The following DCLRE1B variants were observed in gnomAD, a reference collection of about 807,000 sequenced individuals.
The protein encoded by DCLRE1B is 5' exonuclease Apollo.
Under a neutral mutation model 19.8 loss-of-function variants are expected in DCLRE1B, and 6 were observed. The observed-to-expected ratio is 0.30, with a 90% CI of 0.17 to 0.60. The LOEUF is 0.60. DCLRE1B is among the 20% of genes least tolerant of loss of function. The pLI is 0.87. For synonymous variants in DCLRE1B, 258 were observed against 255.7 expected (o/e 1.01, Z -0.09); for missense variants, 622 against 654.2 (o/e 0.95, Z 0.54).
chr1:113,907,958 CTTCTA>C (rs1558107425), intron 2 of DCLRE1B, 46 bp from the exon 3 acceptor site: 2 of 1,565,448 alleles, frequency 1.3e-6, no homozygotes, highest in Non-Finnish European at 1.7e-6. Context: ...AGAGGCTTGT[CTTCTA>C]TTCTTTTGTC....
In DCLRE1B at chr1:113,911,671, GTGC is replaced by G; in HGVS notation, c.1082_1084del (p.Ala361del). The G allele has an allele frequency of 6.2e-7, 1 of 1,612,526 alleles. No individual in the cohort carries two copies. The highest frequency in any genetic ancestry group is 1.3e-5 in the African/African-American group (1 of 74,914). ...GTTGTGTTTGAATCCCCTGAGGAAA[GTGC>G]TGATCAATCTCAAGCTGACAGAGAC... On this transcript the variant is annotated inframe_deletion, in exon 4 of 4. Transcript: ENST00000650450.
chr1:113,908,257 A>C, intron 3 of DCLRE1B, 66 bp downstream of exon 3: 6 of 1,552,610 alleles, frequency 3.9e-6, no homozygotes, highest in Non-Finnish European at 5.2e-6. Context: ...AAGGATTCTC[A>C]CATCTTTCAG....
rs1433644542 is a variant in DCLRE1B at position 113,911,641 on chromosome 1, A to G, written c.1049A>G (p.Gln350Arg). ...AGGAGGCTAAAGAGGCCGAGAACCC[A>G]AGGTGTTGTGTTTGAATCCCCTGAG... ...LERRLKRPRT[Q>R]GVVFESPEES... The change falls in exon 4 of 4, where the codon CAA becomes CGA. Residue 350 changes from glutamine (Q) to arginine (R), a missense_variant. Gln to Arg is a conservative substitution (Grantham distance 43, BLOSUM62 1). Around this residue, in one of 3 missense-constraint regions of DCLRE1B, gnomAD observed 382 missense variants for 412.5 expected, o/e 0.93. Coordinates refer to ENST00000650450, the MANE Select transcript of DCLRE1B (RefSeq NM_022836.4). 15 of 1,604,840 alleles carry G rather than the reference A, an allele frequency of 9.3e-6. No homozygotes were observed. Among genetic ancestry groups the G allele is most frequent in the Non-Finnish European group, 1.1e-5 (13 of 1,175,426 alleles).
At chr1:113,908,768 A>G (rs577594403) in intron 3 of DCLRE1B, among the ~76,000 whole-genome samples, 32 of 152,138 alleles carry the variant, frequency 2.1e-4, no homozygotes, top group South Asian at 1.0e-3. Flanking sequence ...CTTGTTGTCT[A>G]TCATGCACTT....
chr1:113,907,379 ACTCAATAGAAGT>A (rs1669075183), intron 2 of DCLRE1B, among the ~76,000 whole-genome samples: 1 of 151,674 alleles, frequency 6.6e-6, no homozygotes, highest in East Asian at 1.9e-4. Context: ...AGCAGCCTTA[ACTCAATAGAAGT>A]CTGGAGGCGC....
Position 113,905,564 on chromosome 1 carries a change from C to T in DCLRE1B, c.-23C>T, listed in dbSNP as rs1355652085. The T allele has an allele frequency of 1.9e-6, 3 of 1,611,082 alleles. No individual in the cohort carries two copies. The highest frequency in any genetic ancestry group is 4.5e-5 in the East Asian group (2 of 44,862). On this transcript the variant is annotated 5_prime_UTR_variant, in exon 1 of 4. Transcript: ENST00000650450. ...CCCTGCCCCCGTGGAGAAGATCCCA[C>T]TGGTGACTCCAACCCTACCACCATG... is the stretch of plus-strand genomic sequence containing the variant.
chr1:113,911,651 G>A lies in DCLRE1B; in HGVS notation c.1059G>A (p.Val353=). The change falls in exon 4 of 4, where the codon GTG becomes GTA. Residue 353 remains valine, a synonymous_variant. Transcript: ENST00000650450. ...RLKRPRTQGV[V]FESPEESADQ... ...AGAGGCCGAGAACCCAAGGTGTTGT[G>A]TTTGAATCCCCTGAGGAAAGTGCTG... 1 of 1,607,930 alleles carries A rather than the reference G, an allele frequency of 6.2e-7. No individual in the cohort carries two copies. Among genetic ancestry groups the A allele is most frequent in the Non-Finnish European group, 8.5e-7 (1 of 1,176,786 alleles).
upstream of DCLRE1B, chr1:113,905,236 T>C: frequency 2.8e-6 from 1 of 351,032 alleles, no homozygotes; most frequent in Non-Finnish European, 5.3e-6. Flanking sequence ...CCTCTCACTC[T>C]CCAGGCGCAG....
chr1:113,908,316 A>G, intron 3 of DCLRE1B, 125 bp downstream of exon 3: 1 of 1,301,194 alleles, frequency 7.7e-7, no homozygotes, highest in Non-Finnish European at 1.0e-6. Flanking sequence ...CTTATTTAAA[A>G]TTGCAACCTG....
chr1:113,907,198 C>G (rs765562315), intron 2 of DCLRE1B, 37 bp downstream of exon 2: 51 of 413,610 alleles, frequency 1.2e-4, no homozygotes, highest in Middle Eastern at 5.1e-4. Context: ...CTTCTCCAGA[C>G]TAGATGTTTT....
Position 113,912,136 on chromosome 1 carries a change from G to C in DCLRE1B, c.1544G>C (p.Gly515Ala). 6.2e-7 allele frequency: 1 copy of C among 1,614,060 alleles called. No individual in the cohort carries two copies. Among genetic ancestry groups the C allele is most frequent in the Non-Finnish European group, 8.5e-7 (1 of 1,180,004 alleles). Residue 515 changes from glycine to alanine, a missense_variant, in exon 4 of 4, where the codon GGG (glycine) becomes GCG (alanine). Physicochemically the swap from Gly to Ala is moderately conservative, Grantham distance 60. This residue lies in a region of DCLRE1B where 382 missense variants were observed against 412.5 expected (regional missense o/e 0.93). Coordinates refer to ENST00000650450, the MANE Select transcript of DCLRE1B (RefSeq NM_022836.4). Reference protein sequence around the residue: ...LLTPVNFFQAGYSSRRFDQQV... With the variant: ...LLTPVNFFQAAYSSRRFDQQV... ...ACTCCAGTGAACTTTTTCCAGGCAG[G>C]GTATTCTTCCAGGAGATTTGACCAG...
At chr1:113,906,731 G>C (rs556519112) in intron 1 of DCLRE1B, among the ~76,000 whole-genome samples, 1 of 151,736 alleles carries the variant, frequency 6.6e-6, no homozygotes, top group Non-Finnish European at 1.5e-5. Context: ...CTGACCTCGT[G>C]ATCCACCCGC....
At chr1:113,910,303 A>G (rs1465398060) in intron 3 of DCLRE1B, among the ~76,000 whole-genome samples, 2 of 152,176 alleles carry the variant, frequency 1.3e-5, no homozygotes, top group Admixed American at 1.3e-4. Flanking sequence ...ACGCTCTATT[A>G]TATGGCCCTT....
chr1:113,905,881 G>T (rs923511766), intron 1 of DCLRE1B, 106 bp downstream of exon 1: 2 of 1,336,752 alleles, frequency 1.5e-6, no homozygotes, highest in Admixed American at 2.9e-5. Flanking sequence ...AACTGATTTG[G>T]AAGTTGTTTG....
Position 113,908,083 on chromosome 1 carries a change from C to A in DCLRE1B, c.430C>A (p.Leu144Ile), listed in dbSNP as rs774530909. 3 of 1,614,200 alleles carry A rather than the reference C, an allele frequency of 1.9e-6. No individual in the cohort carries two copies. The highest frequency in any genetic ancestry group is 2.5e-6 in the Non-Finnish European group (3 of 1,180,040). The change falls in exon 3 of 4, where the codon CTA becomes ATA. Residue 144 changes from leucine (L) to isoleucine (I), a missense_variant. Leu to Ile is a conservative substitution (Grantham distance 5). This residue lies in a region of DCLRE1B where 237 missense variants were observed against 223.8 expected (regional missense o/e 1.06). Transcript: ENST00000650450. Reference protein sequence around the residue: ...TLGKQIHTLYLDNTNCNPALV... With the variant: ...TLGKQIHTLYIDNTNCNPALV... ...GGGGAAACAGATCCATACTTTATAC[C>A]TAGACAACACCAATTGCAATCCAGC...
upstream of DCLRE1B, chr1:113,904,860 G>T (rs1435484674): frequency 3.4e-5 from 26 of 760,544 alleles, no homozygotes; most frequent in Non-Finnish European, 5.5e-5. Flanking sequence ...CTCGGCTTCC[G>T]TAGGGCCGGC....
intron 1 of DCLRE1B, 111 bp from the exon 2 acceptor site, chr1:113,906,885 G>A (rs978707910): frequency 9.1e-6 from 11 of 1,206,688 alleles, no homozygotes; most frequent in African/African-American, 3.1e-5. Context: ...TTCTGCTCCC[G>A]GTGGCTCAGG....
rs1558111075 is a variant in DCLRE1B, at chr1:113,912,309, C to CT, written c.*120dup. Reference sequence around the variant, plus strand: ...CCTACTTTTCTATCTTTACAAGACTCTTATGGGCCCACCGTGGAGCAGCAC... The same window carrying CT: ...CCTACTTTTCTATCTTTACAAGACTCTTTATGGGCCCACCGTGGAGCAGCAC... On this transcript the variant is annotated 3_prime_UTR_variant, in exon 4 of 4. Coordinates refer to ENST00000650450, the MANE Select transcript of DCLRE1B (RefSeq NM_022836.4). The CT allele has an allele frequency of 9.6e-7, 1 of 1,040,288 alleles. No homozygotes were observed. The highest frequency in any genetic ancestry group is 1.6e-5 in the African/African-American group (1 of 62,676). 64.4% of individuals were successfully genotyped at this position (1,040,288 alleles called of 1,614,324 possible). A position where few individuals can be genotyped will look rare whatever the true frequency, so the allele number is the denominator to read the frequency against.
intron 3 of DCLRE1B, 79 bp downstream of exon 3, chr1:113,908,270 C>A: frequency 6.5e-7 from 1 of 1,533,190 alleles, no homozygotes; most frequent in Non-Finnish European, 8.8e-7. Context: ...TCTTTCAGAT[C>A]TTTGTGCAGT....
Sources: allele counts gnomAD v4.1 joint callset (sites outside exome capture counted in the v4.1 genomes callset), GRCh38; gene constraint gnomAD v4.1.1; regional missense constraint gnomAD v4.1.1; transcripts MANE v1.5; gene names NCBI Gene and HGNC (gene_info 2026-07-23, HGNC 2026-07-21).